Variants in SH3RF3 observed in about 807,000 individuals in gnomAD.
SH3RF3 encodes the protein E3 ubiquitin-protein ligase SH3RF3.
A neutral mutation model predicts 66.3 loss-of-function variants in SH3RF3; 29 were observed. That is an observed-to-expected ratio of 0.44 (90% CI 0.33 to 0.60). SH3RF3 has a LOEUF of 0.60. Ranked by LOEUF, SH3RF3 falls within the 20% of genes least tolerant of loss-of-function variation. The pLI, the probability that SH3RF3 is intolerant of heterozygous loss-of-function variation, is 0.04. For missense variants in SH3RF3, 1,194 were observed against 1,190.9 expected (o/e 1.00, Z -0.04); for synonymous variants, 583 against 532.0 (o/e 1.10, Z -1.32).
intron 7 of SH3RF3, among the ~76,000 whole-genome samples, chr2:109,447,645 C>T (rs968783242): frequency 3.3e-5 from 5 of 152,144 alleles, no homozygotes; most frequent in South Asian, 2.1e-4. Context: ...CAACCCAGGA[C>T]ACAAGTCACC....
intron 4 of SH3RF3, among the ~76,000 whole-genome samples, chr2:109,411,603 T>C (rs1676591487): frequency 6.6e-6 from 1 of 152,082 alleles, no homozygotes; most frequent in Non-Finnish European, 1.5e-5. Flanking sequence ...ACTCATTTCT[T>C]TGTACTTTTA....
intron 1 of SH3RF3, among the ~76,000 whole-genome samples, chr2:109,183,425 T>C (rs1353998141): frequency 1.3e-5 from 2 of 152,156 alleles, no homozygotes; most frequent in African/African-American, 4.8e-5. Context: ...CTACCTTATA[T>C]CTAGATGCAT....
chr2:109,263,440 A>G (rs1033184316), intron 1 of SH3RF3, among the ~76,000 whole-genome samples: 4 of 152,196 alleles, frequency 2.6e-5, no homozygotes, highest in East Asian at 1.9e-4. Flanking sequence ...ACAGCCTTCA[A>G]TCAAATAAGT....
chr2:109,175,755 T>C (rs1459794741), intron 1 of SH3RF3, among the ~76,000 whole-genome samples: 1 of 152,222 alleles, frequency 6.6e-6, no homozygotes, highest in Non-Finnish European at 1.5e-5. Flanking sequence ...AACAGTGTAA[T>C]TGTAATCTAT....
intron 1 of SH3RF3, among the ~76,000 whole-genome samples, chr2:109,167,962 C>T (rs1677669359): frequency 6.6e-6 from 1 of 152,118 alleles, no homozygotes; most frequent in South Asian, 2.1e-4. Flanking sequence ...TGTAGAGAAA[C>T]ATTTATTAAA....
intron 1 of SH3RF3, among the ~76,000 whole-genome samples, chr2:109,130,749 C>T (rs751226275): frequency 3.3e-5 from 5 of 152,160 alleles, no homozygotes; most frequent in Non-Finnish European, 5.9e-5. Context: ...GTTGCATTCC[C>T]ACGGGGGTCA....
chr2:109,425,884 T>TTTTC (rs545963830), intron 5 of SH3RF3, among the ~76,000 whole-genome samples: 192 of 152,150 alleles, frequency 1.3e-3, no homozygotes, highest in African/African-American at 3.2e-3. Context: ...AAGTACATCT[T>TTTTC]TTTCTTTCTT....
intron 1 of SH3RF3, among the ~76,000 whole-genome samples, chr2:109,161,985 C>T (rs962521260): frequency 3.9e-5 from 6 of 152,012 alleles, no homozygotes; most frequent in Non-Finnish European, 8.8e-5. Flanking sequence ...GTGTCTAAAG[C>T]GTAGATGGTG....
intron 7 of SH3RF3, among the ~76,000 whole-genome samples, chr2:109,448,101 G>A (rs1573259555): frequency 6.6e-6 from 1 of 152,154 alleles, no homozygotes; most frequent in East Asian, 1.9e-4. Context: ...ACCCAGTGTG[G>A]AAACCAAGGA....
intron 3 of SH3RF3, among the ~76,000 whole-genome samples, chr2:109,391,827 C>T (rs905360158): frequency 5.3e-5 from 8 of 152,046 alleles, no homozygotes; most frequent in African/African-American, 7.2e-5. Context: ...TTTCAACCTC[C>T]TAAAAATATG....
At chr2:109,188,750 G>A (rs1482682799) in intron 1 of SH3RF3, among the ~76,000 whole-genome samples, 5 of 152,158 alleles carry the variant, frequency 3.3e-5, no homozygotes, top group African/African-American at 1.2e-4. Context: ...GACTCTGAGA[G>A]ACACCATCGC....
chr2:109,167,033 A>C (rs1353859692), intron 1 of SH3RF3, among the ~76,000 whole-genome samples: 1 of 152,186 alleles, frequency 6.6e-6, no homozygotes, highest in Non-Finnish European at 1.5e-5. Flanking sequence ...CACACCACTC[A>C]TCGGTGTCCC....
At chr2:109,317,011 C>T (rs1681901593) in intron 1 of SH3RF3, among the ~76,000 whole-genome samples, 1 of 152,030 alleles carries the variant, frequency 6.6e-6, no homozygotes, top group African/African-American at 2.4e-5. Flanking sequence ...AATAACACTC[C>T]ATTGTCTGGG....
intron 1 of SH3RF3, among the ~76,000 whole-genome samples, chr2:109,261,288 C>G (rs1263549414): frequency 1.3e-5 from 2 of 152,164 alleles, no homozygotes; most frequent in Admixed American, 6.5e-5. Context: ...GTGATTGTCC[C>G]CTCCCCAGGG....
chr2:109,478,917 G>A (rs553137166), intron 8 of SH3RF3, among the ~76,000 whole-genome samples: 2 of 152,324 alleles, frequency 1.3e-5, no homozygotes, highest in Admixed American at 6.5e-5. Flanking sequence ...GGGAATTGGG[G>A]CAGGGCATGA....
Position 109,449,317 on chromosome 2 carries a change from A to G in SH3RF3, c.1976A>G (p.Gln659Arg), listed in dbSNP as rs1448449271. ...CAGCACAGCCACCAGCCCCCGGTGCAGATGTGCCCACGGCCGGCCATCCCC... is the reference window on the plus strand; with the variant it reads ...CAGCACAGCCACCAGCCCCCGGTGCGGATGTGCCCACGGCCGGCCATCCCC... The part of the protein sequence containing the change: ...SPQHSHQPPV[Q>R]MCPRPAIPLT... The change falls in exon 8 of 10, where the codon CAG becomes CGG. Residue 659 changes from glutamine to arginine, a missense_variant. Coordinates refer to ENST00000309415, the MANE Select transcript of SH3RF3 (RefSeq NM_001099289.3). 3 of 1,606,618 alleles carry G rather than the reference A, an allele frequency of 1.9e-6. No homozygotes were observed. In the African/African-American group the frequency reaches 4.0e-5, roughly 21 times the overall value.
chr2:109,370,653 C>T (rs1204173957), intron 2 of SH3RF3, among the ~76,000 whole-genome samples: 6 of 152,120 alleles, frequency 3.9e-5, no homozygotes, highest in South Asian at 2.1e-4. Context: ...CTTTCTCACC[C>T]GCCCTGCCAT....
intron 4 of SH3RF3, among the ~76,000 whole-genome samples, chr2:109,415,191 C>T (rs1024558290): frequency 2.0e-4 from 31 of 152,202 alleles, no homozygotes; most frequent in African/African-American, 7.0e-4. Context: ...ACAGCCCTGC[C>T]ACACCTTGAT....
intron 1 of SH3RF3, among the ~76,000 whole-genome samples, chr2:109,238,674 T>C (rs1679705947): frequency 6.6e-6 from 1 of 152,172 alleles, no homozygotes; most frequent in Non-Finnish European, 1.5e-5. Context: ...AGGAGAGTGC[T>C]CACAGGATGG....
Sources: allele counts gnomAD v4.1 joint callset (sites outside exome capture counted in the v4.1 genomes callset), GRCh38; gene constraint gnomAD v4.1.1; transcripts MANE v1.5; gene names NCBI Gene and HGNC (gene_info 2026-07-23, HGNC 2026-07-21).